The following ZFAT variants were observed in gnomAD, a reference collection of about 807,000 sequenced individuals.
ZFAT encodes the protein zinc finger and AT-hook domain containing.
A neutral mutation model predicts 117.7 loss-of-function variants in ZFAT; 64 were observed. The ratio of observed to expected loss-of-function variants is 0.54; its 90% CI spans 0.44 to 0.67. The LOEUF (loss-of-function observed/expected upper bound fraction) is 0.67. Ranked by LOEUF, ZFAT falls within the 30% of genes least tolerant of loss-of-function variation. The pLI is 0.00. For synonymous variants in ZFAT, 679 were observed against 615.0 expected (o/e 1.10, Z -1.54); for missense variants, 1,433 against 1,584.5 (o/e 0.90, Z 1.62).
intron 15 of ZFAT, among the ~76,000 whole-genome samples, chr8:134,491,419 T>C (rs745781335): frequency 1.2e-4 from 18 of 152,252 alleles, no homozygotes; most frequent in Non-Finnish European, 1.9e-4. Context: ...CATTTTCTTA[T>C]TGTTGCTTTA....
chr8:134,672,785 T>A (rs1212961683), intron 1 of ZFAT, among the ~76,000 whole-genome samples: 6 of 152,260 alleles, frequency 3.9e-5, no homozygotes, highest in African/African-American at 1.4e-4. Flanking sequence ...AGTGAAAATA[T>A]CCTTCAGGAA....
chr8:134,499,919 G>T (rs3889458), intron 15 of ZFAT, among the ~76,000 whole-genome samples: 1 of 152,160 alleles, frequency 6.6e-6, no homozygotes. Context: ...ATGGATAGGA[G>T]GAGTAGGAAG....
intron 7 of ZFAT, among the ~76,000 whole-genome samples, chr8:134,596,530 C>G (rs1826949679): frequency 6.6e-6 from 1 of 152,144 alleles, no homozygotes; most frequent in Non-Finnish European, 1.5e-5. Context: ...AAGGTTAATA[C>G]TTAACCTCCT....
intron 3 of ZFAT, among the ~76,000 whole-genome samples, chr8:134,619,436 C>A (rs955451087): frequency 1.8e-4 from 27 of 152,140 alleles, no homozygotes; most frequent in African/African-American, 6.0e-4. Flanking sequence ...TAAGCTCTGT[C>A]TGATCTAACA....
chr8:134,590,161 T>A, intron 8 of ZFAT, 107 bp downstream of exon 8: 1 of 766,516 alleles, frequency 1.3e-6, no homozygotes, highest in South Asian at 2.0e-5. Context: ...TATTCACAGC[T>A]TCATCCCTTT....
chr8:134,608,719 A>G lies in ZFAT; in HGVS notation c.785+10T>C. On this transcript the variant is annotated intron_variant, in intron 5 of 15. Transcript: ENST00000377838. ...CTCTGGCTGAAGTTACACAGAACAA[A>G]ACACTTTACCTGCTTGACTTCATTG... The G allele has an allele frequency of 6.2e-7, 1 of 1,608,928 alleles. No individual in the cohort carries two copies. Among genetic ancestry groups the G allele is most frequent in the Non-Finnish European group, 8.5e-7 (1 of 1,178,022 alleles).
chr8:134,657,293 C>T lies in ZFAT; in HGVS notation c.196+268G>A, dbSNP rs201741259. 1.6e-4 allele frequency among the ~76,000 whole-genome samples: 24 copies of T among 152,346 alleles called. No homozygotes were observed. In the East Asian group the frequency reaches 4.4e-3, roughly 28 times the overall value. ...AGGTACTAGGGCTGGGTTAAACCCA[C>T]ACTTGTCTGACAACAAGCTCATGTT... is the stretch of plus-strand genomic sequence containing the variant. On this transcript the variant is annotated intron_variant, in intron 2 of 15. Transcript: ENST00000377838.
chr8:134,528,048 C>T (rs1219228467), intron 12 of ZFAT, among the ~76,000 whole-genome samples: 5 of 152,210 alleles, frequency 3.3e-5, no homozygotes, highest in South Asian at 2.1e-4. Context: ...CAAATGTGGC[C>T]CAATTGCTTA....
intron 11 of ZFAT, among the ~76,000 whole-genome samples, chr8:134,550,858 G>A (rs987678700): frequency 8.6e-5 from 13 of 151,978 alleles, no homozygotes; most frequent in African/African-American, 1.4e-4. Flanking sequence ...CACCCGCCAC[G>A]TTCAAAATTA....
intron 10 of ZFAT, among the ~76,000 whole-genome samples, chr8:134,581,322 C>T (rs1024857453): frequency 1.3e-5 from 2 of 152,074 alleles, no homozygotes; most frequent in African/African-American, 4.8e-5. Context: ...GTACAGCAGC[C>T]CTGTGGGAAA....
intron 3 of ZFAT, among the ~76,000 whole-genome samples, chr8:134,627,837 C>T (rs1401235637): frequency 2.0e-5 from 3 of 152,132 alleles, no homozygotes; most frequent in African/African-American, 2.4e-5. Flanking sequence ...CTGTTTGTGC[C>T]GAATCCACCA....
intron 10 of ZFAT, among the ~76,000 whole-genome samples, chr8:134,576,561 AGCTAGGT>A (rs1429842512): frequency 6.6e-6 from 1 of 152,250 alleles, no homozygotes; most frequent in East Asian, 1.9e-4. Flanking sequence ...AGATCAATCC[AGCTAGGT>A]GCTCAGGGAC....
rs1483991203 is a variant in ZFAT, at chr8:134,601,780, T to C, written c.1939A>G (p.Ser647Gly). ...CCTAGGGGGCTCTGGGCGCCATGGC[T>C]TTCCTGATCTGACCCAGCACTCTGG... ...KAQSAGSDQE[S>G]HGAQSPLGEG... The change falls in exon 6 of 16, where the codon AGC (serine) becomes GGC (glycine). Residue 647 changes from serine to glycine, a missense_variant. Transcript: ENST00000377838. 1.2e-6 allele frequency: 2 copies of C among 1,613,920 alleles called. No homozygotes were observed. Among genetic ancestry groups the C allele is most frequent in the Non-Finnish European group, 1.7e-6 (2 of 1,179,954 alleles).
chr8:134,700,109 G>T (rs1563774031), intron 1 of ZFAT, among the ~76,000 whole-genome samples: 1 of 152,198 alleles, frequency 6.6e-6, no homozygotes, highest in Non-Finnish European at 1.5e-5. Context: ...AACACTTCCT[G>T]AGCACCAGCC....
chr8:134,717,003 G>A (rs1814219119), upstream of ZFAT, among the ~76,000 whole-genome samples: 1 of 152,192 alleles, frequency 6.6e-6, no homozygotes, highest in South Asian at 2.1e-4. Context: ...ACCAGGAAGG[G>A]CAGGTCAGGA....
chr8:134,806,524 G>T, the ZFAT span, among the ~76,000 whole-genome samples: 2 of 152,184 alleles, frequency 1.3e-5, no homozygotes, highest in African/African-American at 4.8e-5. Context: ...GCCTAGGTAG[G>T]CACATGATAC....
intron 13 of ZFAT, among the ~76,000 whole-genome samples, chr8:134,515,511 G>A (rs535001932): frequency 3.7e-4 from 57 of 152,288 alleles, no homozygotes; most frequent in African/African-American, 1.2e-3. Context: ...TCTAACTGGC[G>A]TGAGATGGTA....
chr8:134,491,086 A>T (rs1232295194), intron 15 of ZFAT, among the ~76,000 whole-genome samples: 1 of 152,194 alleles, frequency 6.6e-6, no homozygotes, highest in Non-Finnish European at 1.5e-5. Context: ...TTTTTCTCCC[A>T]AACAGTCACA....
chr8:134,658,261 C>T (rs1831737250), intron 1 of ZFAT, among the ~76,000 whole-genome samples: 1 of 147,210 alleles, frequency 6.8e-6, no homozygotes, highest in South Asian at 2.1e-4. Context: ...GGCGTGAACC[C>T]GGGAGGTGAA....
Sources: allele counts gnomAD v4.1 joint callset (sites outside exome capture counted in the v4.1 genomes callset), GRCh38; gene constraint gnomAD v4.1.1; transcripts MANE v1.5; gene names NCBI Gene and HGNC (gene_info 2026-07-23, HGNC 2026-07-21).